The following NPAS2 variants were observed in gnomAD, a reference collection of about 807,000 sequenced individuals.
The protein encoded by NPAS2 is neuronal PAS domain protein 2.
NPAS2 carries 23 observed loss-of-function variants against 107.5 expected under a neutral mutation model. That is an observed-to-expected ratio of 0.21 (90% CI 0.15 to 0.30). NPAS2 has a LOEUF of 0.30. Ranked by LOEUF, NPAS2 falls within the 10% of genes least tolerant of loss-of-function variation. NPAS2 has a pLI of 1.00. For synonymous variants in NPAS2, 403 were observed against 417.5 expected, an observed-to-expected ratio of 0.97 and a Z score of 0.42; for missense variants, 756 against 1,043.3, an observed-to-expected ratio of 0.72 and a Z score of 3.79.
At chr2:100,885,199 C>T (rs1352076537) in intron 1 of NPAS2, among the ~76,000 whole-genome samples, 17 of 152,182 alleles carry the variant, frequency 1.1e-4, no homozygotes, top group African/African-American at 9.7e-5. Context: ...ATCCGCCTGC[C>T]TCGGCCTCCC....
chr2:100,964,701 C>T (rs769959691), intron 8 of NPAS2, among the ~76,000 whole-genome samples, 160 bp from the exon 9 acceptor site: 3 of 152,240 alleles, frequency 2.0e-5, no homozygotes, highest in African/African-American at 4.8e-5. Context: ...CAGCTAATAC[C>T]GAAATTAGCT....
At chr2:100,876,723 C>T (rs1679993466) in intron 1 of NPAS2, among the ~76,000 whole-genome samples, 1 of 152,064 alleles carries the variant, frequency 6.6e-6, no homozygotes, top group African/African-American at 2.4e-5. Flanking sequence ...GTGGCTCAGG[C>T]CTAATCCCAT....
chr2:100,922,661 G>A (rs935494491), intron 2 of NPAS2, among the ~76,000 whole-genome samples: 1 of 152,148 alleles, frequency 6.6e-6, no homozygotes, highest in African/African-American at 2.4e-5. Flanking sequence ...TCTGTGTGTG[G>A]TGGTCTCGGG....
intron 2 of NPAS2, among the ~76,000 whole-genome samples, chr2:100,921,383 A>C (rs1683215564): frequency 6.6e-6 from 1 of 152,208 alleles, no homozygotes; most frequent in African/African-American, 2.4e-5. Context: ...GTGCCCAGCA[A>C]ATATTCCTTG....
chr2:100,968,656 C>T lies in NPAS2; in HGVS notation c.1055+228C>T, dbSNP rs867602906. Among the ~76,000 whole-genome samples, 2 of 152,320 alleles carry T rather than the reference C, an allele frequency of 1.3e-5. No individual in the cohort carries two copies. Among genetic ancestry groups the T allele is most frequent in the Non-Finnish European group, 1.5e-5 (1 of 68,032 alleles). On this transcript the variant is annotated intron_variant, in intron 11 of 20. Transcript: ENST00000335681. The surrounding 1 kb of genome is among the most constrained non-coding windows in gnomAD (Gnocchi z 5.3). ...TCCCAGGGCTGAGACTCCTTTCAAG[C>T]TCTCAGTCAGGCCCCTTTGAACGCC...
chr2:100,913,254 C>T (rs752391336), intron 2 of NPAS2, among the ~76,000 whole-genome samples: 3 of 152,212 alleles, frequency 2.0e-5, no homozygotes, highest in Non-Finnish European at 4.4e-5. Context: ...ACCAGCTCTT[C>T]TTGGCAGCAA....
intron 5 of NPAS2, among the ~76,000 whole-genome samples, chr2:100,944,521 C>G (rs1674770985): frequency 6.6e-6 from 1 of 152,100 alleles, no homozygotes; most frequent in African/African-American, 2.4e-5. Flanking sequence ...TCCCTTGTCT[C>G]CATAATTGCT....
chr2:100,915,924 T>C (rs1162607445), intron 2 of NPAS2, among the ~76,000 whole-genome samples: 1 of 152,084 alleles, frequency 6.6e-6, no homozygotes, highest in Non-Finnish European at 1.5e-5. Context: ...TATGTATAGA[T>C]AGTACATAAG....
Position 100,995,740 on chromosome 2 carries a change from C to G in NPAS2, c.*158C>G. On this transcript the variant is annotated 3_prime_UTR_variant, in exon 21 of 21. Coordinates refer to ENST00000335681, the MANE Select transcript of NPAS2 (RefSeq NM_002518.4). ...GATGGTAACCATCTCTGGAGTGCAG[C>G]GCTTGCTGCAGTGGAAATGATCAGG... The G allele has an allele frequency of 6.5e-7, 1 of 1,549,604 alleles. No homozygotes were observed. The highest frequency in any genetic ancestry group is 8.7e-7 in the Non-Finnish European group (1 of 1,146,958).
intron 1 of NPAS2, among the ~76,000 whole-genome samples, chr2:100,903,231 C>T (rs1681904160): frequency 6.6e-6 from 1 of 152,172 alleles, no homozygotes; most frequent in Non-Finnish European, 1.5e-5. Context: ...TCCTTGGAAG[C>T]ACAGGCTTGG....
chr2:100,915,151 C>T (rs1261128348), intron 2 of NPAS2, among the ~76,000 whole-genome samples: 3 of 152,148 alleles, frequency 2.0e-5, no homozygotes, highest in African/African-American at 7.2e-5. Flanking sequence ...GCAGGAGCAA[C>T]AGTGGCCATC....
chr2:100,872,641 C>A (rs1441646871), intron 1 of NPAS2, among the ~76,000 whole-genome samples: 5 of 151,948 alleles, frequency 3.3e-5, no homozygotes, highest in Non-Finnish European at 1.5e-5. Flanking sequence ...TTATAAATTC[C>A]TTTTTCAAAG....
Position 100,995,751 on chromosome 2 carries a change from G to A in NPAS2, c.*169G>A, listed in dbSNP as rs1298952584. On this transcript the variant is annotated 3_prime_UTR_variant, in exon 21 of 21. Transcript: ENST00000335681. ...TCTCTGGAGTGCAGCGCTTGCTGCA[G>A]TGGAAATGATCAGGAATACTGACCG... The A allele has an allele frequency of 6.5e-7, 1 of 1,549,612 alleles. No homozygotes were observed. Among genetic ancestry groups the A allele is most frequent in the Middle Eastern group, 1.7e-4 (1 of 5,990 alleles).
intron 1 of NPAS2, among the ~76,000 whole-genome samples, chr2:100,871,672 T>C (rs1328711922): frequency 1.3e-5 from 2 of 152,058 alleles, no homozygotes; most frequent in Non-Finnish European, 2.9e-5. Flanking sequence ...GAGCATCCTG[T>C]ATCCAGGCCT....
Position 100,863,701 on chromosome 2 carries a change from G to A in NPAS2, c.-22-41032G>A, listed in dbSNP as rs757656046. On this transcript the variant is annotated intron_variant, in intron 1 of 20. Transcript: ENST00000335681. ...TTAAATACAGTTGGACCATTTTCAC[G>A]CAATGGTGAAGACATGTTTTTTTGT... is the stretch of plus-strand genomic sequence containing the variant. Among the ~76,000 whole-genome samples the A allele has an allele frequency of 3.5e-4, 54 of 152,250 alleles. 1 individual carries two copies. The highest frequency in any genetic ancestry group is 6.6e-4 in the Non-Finnish European group (45 of 68,034).
At chr2:100,900,488 A>G (rs1021075050) in intron 1 of NPAS2, among the ~76,000 whole-genome samples, 1 of 152,190 alleles carries the variant, frequency 6.6e-6, no homozygotes, top group African/African-American at 2.4e-5. Context: ...TTGTACGTTC[A>G]CTTTGGAAAA....
At chr2:100,865,140 C>G (rs1679175853) in intron 1 of NPAS2, among the ~76,000 whole-genome samples, 1 of 152,200 alleles carries the variant, frequency 6.6e-6, no homozygotes, top group Admixed American at 6.5e-5. Context: ...TATGGATCCC[C>G]TTAAAATGTC....
At chr2:100,847,877 A>G (rs1487819573) in intron 1 of NPAS2, among the ~76,000 whole-genome samples, 1 of 152,198 alleles carries the variant, frequency 6.6e-6, no homozygotes, top group Non-Finnish European at 1.5e-5. Context: ...TTGGTACAAG[A>G]AGTGGCTGAT....
intron 1 of NPAS2, among the ~76,000 whole-genome samples, chr2:100,874,862 C>T (rs907220035): frequency 2.0e-5 from 3 of 152,198 alleles, no homozygotes; most frequent in Non-Finnish European, 4.4e-5. Flanking sequence ...AGGCTGTCTC[C>T]TATCCTAGAA....
Sources: allele counts gnomAD v4.1 joint callset (sites outside exome capture counted in the v4.1 genomes callset), GRCh38; gene constraint gnomAD v4.1.1; non-coding constraint Gnocchi (gnomAD v3.1); transcripts MANE v1.5; gene names NCBI Gene and HGNC (gene_info 2026-07-23, HGNC 2026-07-21).